Variants in EMP2 observed in about 807,000 individuals in gnomAD.
EMP2 encodes the protein epithelial membrane protein 2.
In EMP2, 19 loss-of-function variants were observed where a neutral mutation model predicts 13.7. The ratio of observed to expected loss-of-function variants is 1.38; its 90% CI spans 0.97 to 2.03. The LOEUF (loss-of-function observed/expected upper bound fraction) is 2.03, where lower values mean the gene tolerates loss of function less well. Ranked by LOEUF, EMP2 falls within the 30% of genes most tolerant of loss-of-function variation. The pLI is 0.00. For missense variants in EMP2, 253 were observed against 220.7 expected, an observed-to-expected ratio of 1.15 and a Z score of -0.93; for synonymous variants, 97 against 84.7, an observed-to-expected ratio of 1.15 and a Z score of -0.80.
intron 3 of EMP2, among the ~76,000 whole-genome samples, chr16:10,543,325 G>A (rs2050714897): frequency 1.3e-5 from 2 of 152,292 alleles, no homozygotes; most frequent in African/African-American, 4.8e-5. Context: ...AGGCAGAGAA[G>A]AGAAGGCATG....
At chr16:10,577,261 C>T (rs963908270) in intron 1 of EMP2, among the ~76,000 whole-genome samples, 2 of 152,190 alleles carry the variant, frequency 1.3e-5, no homozygotes, top group African/African-American at 4.8e-5. Context: ...AGTGAGCTCT[C>T]ACCCTTTCAG....
intron 2 of EMP2, chr16:10,546,606 G>A (rs964951302): frequency 1.3e-5 from 2 of 152,202 alleles, no homozygotes; most frequent in Non-Finnish European, 2.9e-5. Flanking sequence ...TGGGGGCAGA[G>A]GTCACCTGGG....
At chr16:10,571,130 ACCTGTAGTC>A (rs1332484479) in intron 1 of EMP2, among the ~76,000 whole-genome samples, 1 of 151,644 alleles carries the variant, frequency 6.6e-6, no homozygotes, top group Non-Finnish European at 1.5e-5. Flanking sequence ...GGTGGTGTGC[ACCTGTAGTC>A]CCAGCTACTT....
At chr16:10,562,336 T>TTCTCTCTCTCTCTCTC (rs540802206) in intron 1 of EMP2, among the ~76,000 whole-genome samples, 83 of 124,184 alleles carry the variant, frequency 6.7e-4, no homozygotes, top group African/African-American at 1.2e-3. Flanking sequence ...CTCATGCATG[T>TTCTCTCTCTCTCTCTC]TCTCTCTCTC....
intron 1 of EMP2, among the ~76,000 whole-genome samples, chr16:10,572,611 T>C (rs146605256): frequency 1.3e-5 from 2 of 152,280 alleles, no homozygotes; most frequent in East Asian, 3.9e-4. Flanking sequence ...TAAATCAGGA[T>C]AGATGACCTG....
At chr16:10,533,131 C>T (rs369332520) in intron 4 of EMP2, 39 bp from the exon 5 acceptor site, 6 of 1,486,176 alleles carry the variant, frequency 4.0e-6, no homozygotes, top group Non-Finnish European at 5.4e-6. Context: ...AAATCATGGA[C>T]CACAGTGCAC....
At chr16:10,563,638 G>A (rs974545461) in intron 1 of EMP2, among the ~76,000 whole-genome samples, 5 of 152,218 alleles carry the variant, frequency 3.3e-5, no homozygotes, top group Admixed American at 6.5e-5. Context: ...CCTGGTTAAC[G>A]TGGAAGTTAA....
At position 10,543,115 on chromosome 16, in the gene EMP2, G is replaced by C. The variant is rs149921697; in HGVS notation, c.169+455C>G. Among the ~76,000 whole-genome samples the C allele has an allele frequency of 9.7e-3, 1,476 of 152,246 alleles. 10 individuals carry two copies. The highest frequency in any genetic ancestry group is 0.024 in the South Asian group (116 of 4,826). ...TCCGCCTCTGCTTCCCAAAGTGCTG[G>C]GATTACAGGCATGAGCCACTGAGCC... is the stretch of plus-strand genomic sequence containing the variant. On this transcript the variant is annotated intron_variant, in intron 3 of 4. Transcript: ENST00000359543.
intron 2 of EMP2, chr16:10,547,039 T>C (rs1221477696): frequency 6.6e-6 from 1 of 152,644 alleles, no homozygotes; most frequent in Non-Finnish European, 1.5e-5. Context: ...GGTCAGAAGA[T>C]GTGTGTGCCT....
At chr16:10,556,269 C>T (rs1222301554) in intron 1 of EMP2, among the ~76,000 whole-genome samples, 1 of 152,082 alleles carries the variant, frequency 6.6e-6, no homozygotes, top group Non-Finnish European at 1.5e-5. Flanking sequence ...CATATTGCTT[C>T]AGTTCCTTCC....
At chr16:10,559,862 A>G (rs1678440614) in intron 1 of EMP2, among the ~76,000 whole-genome samples, 1 of 152,142 alleles carries the variant, frequency 6.6e-6, no homozygotes, top group African/African-American at 2.4e-5. Context: ...TTTAGTAAAG[A>G]CGGAGTGTCA....
intron 2 of EMP2, 48 bp from the exon 3 acceptor site, chr16:10,543,708 C>G (rs1332577813): frequency 6.4e-7 from 1 of 1,572,822 alleles, no homozygotes; most frequent in Non-Finnish European, 8.8e-7. Context: ...GTTCATGATG[C>G]AAACACTGAC....
At chr16:10,543,728 G>T in intron 2 of EMP2, 68 bp from the exon 3 acceptor site, 1 of 1,469,260 alleles carries the variant, frequency 6.8e-7, no homozygotes, top group Non-Finnish European at 9.5e-7. Flanking sequence ...CTGCTAATTA[G>T]GCACGAGGCA....
At chr16:10,541,059 G>A (rs1397507207) in intron 3 of EMP2, among the ~76,000 whole-genome samples, 1 of 151,630 alleles carries the variant, frequency 6.6e-6, no homozygotes, top group Non-Finnish European at 1.5e-5. Context: ...CTGCACTCCA[G>A]CCAGAGTGAC....
At chr16:10,547,771 C>T in intron 1 of EMP2, 94 bp from the exon 2 acceptor site, 1 of 705,306 alleles carries the variant, frequency 1.4e-6, no homozygotes, top group Non-Finnish European at 2.3e-6. Flanking sequence ...CGTGGTGGCT[C>T]ATGCCTATAA....
chr16:10,553,350 C>G (rs1202156063), intron 1 of EMP2, among the ~76,000 whole-genome samples: 2 of 152,212 alleles, frequency 1.3e-5, no homozygotes, highest in Admixed American at 6.5e-5. Flanking sequence ...TGGCGGTAGC[C>G]GTACCAGAGT....
chr16:10,561,568 A>AG (rs965089773), intron 1 of EMP2, among the ~76,000 whole-genome samples: 1 of 152,208 alleles, frequency 6.6e-6, no homozygotes, highest in Non-Finnish European at 1.5e-5. Flanking sequence ...TGGGACAAGG[A>AG]GGGAGAATTA....
intron 1 of EMP2, among the ~76,000 whole-genome samples, chr16:10,575,405 C>T (rs2050977500): frequency 6.6e-6 from 1 of 151,648 alleles, no homozygotes. Flanking sequence ...AGGCGCCCGC[C>T]ACCACACCGG....
chr16:10,565,682 C>G (rs2050902629), intron 1 of EMP2, among the ~76,000 whole-genome samples: 1 of 152,146 alleles, frequency 6.6e-6, no homozygotes, highest in South Asian at 2.1e-4. Context: ...AGCCCCTTAA[C>G]CAGGGACTTG....
Sources: gnomAD v4.1 joint callset for allele counts (sites outside exome capture counted in the v4.1 genomes callset) on GRCh38, gnomAD v4.1.1 for gene constraint, MANE v1.5 for transcripts, NCBI Gene and HGNC (gene_info 2026-07-23, HGNC 2026-07-21) for gene names.